The following PLXNA4 variants were observed in gnomAD, a reference collection of about 807,000 sequenced individuals.
PLXNA4 encodes plexin A4.
In PLXNA4, 44 loss-of-function variants were observed where a neutral mutation model predicts 191.8. That is an observed-to-expected ratio of 0.23 (90% CI 0.18 to 0.29). The LOEUF (loss-of-function observed/expected upper bound fraction) is 0.29, where lower values mean the gene tolerates loss of function less well. PLXNA4 is among the 10% of genes least tolerant of loss of function. PLXNA4 has a pLI of 1.00. For synonymous variants in PLXNA4, 1,082 were observed against 1,009.5 expected (o/e 1.07, Z -1.36); for missense variants, 1,800 against 2,488.8 (o/e 0.72, Z 5.89).
At chr7:132,336,810 T>C (rs1382593357) in intron 3 of PLXNA4, among the ~76,000 whole-genome samples, 1 of 152,260 alleles carries the variant, frequency 6.6e-6, no homozygotes, top group Non-Finnish European at 1.5e-5. Flanking sequence ...GTTCTGTGAA[T>C]GTTCCTCTGA....
intron 2 of PLXNA4, among the ~76,000 whole-genome samples, chr7:132,592,868 T>A (rs1017287): frequency 0.98 from 146,110 of 149,578 alleles, 71,399 homozygotes; most frequent in East Asian, 1. Flanking sequence ...AAAAAAAATT[T>A]AAAAAAAAAA....
intron 3 of PLXNA4, among the ~76,000 whole-genome samples, chr7:132,389,007 C>A (rs1355482714): frequency 6.6e-6 from 1 of 152,210 alleles, no homozygotes; most frequent in East Asian, 1.9e-4. Flanking sequence ...AAAAGGGCCC[C>A]ACTGATGACC....
At chr7:132,418,477 T>C (rs1195855869) in intron 3 of PLXNA4, among the ~76,000 whole-genome samples, 2 of 152,222 alleles carry the variant, frequency 1.3e-5, no homozygotes, top group African/African-American at 4.8e-5. Flanking sequence ...TAGAATCCCC[T>C]GCTCAGACAA....
chr7:132,426,198 A>C (rs1372818233), intron 3 of PLXNA4, among the ~76,000 whole-genome samples: 1 of 152,206 alleles, frequency 6.6e-6, no homozygotes, highest in Non-Finnish European at 1.5e-5. Context: ...GAGCAACTGC[A>C]CAGGGCCTCC....
intron 3 of PLXNA4, among the ~76,000 whole-genome samples, chr7:132,444,316 G>A (rs573403658): frequency 2.2e-4 from 34 of 152,324 alleles, no homozygotes; most frequent in Middle Eastern, 6.8e-3. Flanking sequence ...GCGCAATGGC[G>A]CCCTCTTGGC....
intron 3 of PLXNA4, among the ~76,000 whole-genome samples, chr7:132,320,270 C>T (rs1366725521): frequency 6.6e-6 from 1 of 152,196 alleles, no homozygotes. Flanking sequence ...AGGGCTGAAT[C>T]CTTCATTGCC....
chr7:132,507,697 C>A lies in PLXNA4; in HGVS notation c.997G>T (p.Asp333Tyr). Residue 333 changes from aspartate (D) to tyrosine (Y), a missense_variant, in exon 2 of 32, where the codon GAC becomes TAC. This residue lies in a region of PLXNA4 where 1,397 missense variants were observed against 1,880.4 expected (regional missense o/e 0.74). Transcript: ENST00000321063. ...GRTLGVHPDD[D>Y]LLFTVFSKGQ... ...TTGGAGAAGACGGTGAAGAGCAGGT[C>A]ATCATCTGGATGGACTCCAAGGGTC... The A allele has an allele frequency of 6.2e-7, 1 of 1,614,214 alleles. No individual in the cohort carries two copies. The highest frequency in any genetic ancestry group is 1.1e-5 in the South Asian group (1 of 91,080).
intron 3 of PLXNA4, among the ~76,000 whole-genome samples, chr7:132,370,380 C>G (rs1485388663): frequency 6.6e-6 from 1 of 152,202 alleles, no homozygotes; most frequent in African/African-American, 2.4e-5. Flanking sequence ...AAGCCAGAGG[C>G]ACCATGGTTT....
chr7:132,404,728 G>A (rs1288319759), intron 3 of PLXNA4, among the ~76,000 whole-genome samples: 2 of 152,214 alleles, frequency 1.3e-5, no homozygotes. Flanking sequence ...CCACCTCATA[G>A]GGGTATAGAG....
At chr7:132,512,803 C>T (rs375066661) in intron 1 of PLXNA4, among the ~76,000 whole-genome samples, 9 of 152,256 alleles carry the variant, frequency 5.9e-5, no homozygotes, top group African/African-American at 1.9e-4. Flanking sequence ...TTCTTGTAAG[C>T]GGTAACCCCA....
intron 2 of PLXNA4, among the ~76,000 whole-genome samples, chr7:132,496,787 G>A (rs1380984253): frequency 6.6e-6 from 1 of 152,110 alleles, no homozygotes; most frequent in African/African-American, 2.4e-5. Flanking sequence ...AGGAAGGCAG[G>A]GGACTGCTGG....
At chr7:132,142,956 C>T (rs1411081607) in intron 29 of PLXNA4, among the ~76,000 whole-genome samples, 1 of 152,212 alleles carries the variant, frequency 6.6e-6, no homozygotes, top group Middle Eastern at 3.2e-3. Flanking sequence ...AACAGGGAAG[C>T]CACAGCACCC....
At chr7:132,252,140 C>T (rs1411312307) in intron 4 of PLXNA4, among the ~76,000 whole-genome samples, 5 of 152,004 alleles carry the variant, frequency 3.3e-5, no homozygotes, top group Admixed American at 1.3e-4. Context: ...CAGGGCCAAG[C>T]CTGCTGCTGG....
At chr7:132,523,615 T>A (rs1799277848) in intron 1 of PLXNA4, among the ~76,000 whole-genome samples, 1 of 152,104 alleles carries the variant, frequency 6.6e-6, no homozygotes, top group South Asian at 2.1e-4. Context: ...GGGAATGACA[T>A]GGTCAGGGTC....
chr7:132,228,903 C>T (rs1231633548), intron 5 of PLXNA4, among the ~76,000 whole-genome samples: 2 of 152,198 alleles, frequency 1.3e-5, no homozygotes, highest in African/African-American at 2.4e-5. Context: ...CACTTCTCCA[C>T]CTGTCCAGTT....
At chr7:132,438,719 G>A (rs976803364) in intron 3 of PLXNA4, among the ~76,000 whole-genome samples, 1 of 152,190 alleles carries the variant, frequency 6.6e-6, no homozygotes, top group African/African-American at 2.4e-5. Flanking sequence ...CACCTCAATA[G>A]CTGTTTTTAA....
chr7:132,488,650 T>C (rs1797657485), intron 3 of PLXNA4, among the ~76,000 whole-genome samples: 1 of 152,194 alleles, frequency 6.6e-6, no homozygotes, highest in South Asian at 2.1e-4. Flanking sequence ...GGCGGATGAC[T>C]GCTCCCAACA....
At chr7:132,167,536 T>C (rs1180536681) in intron 22 of PLXNA4, among the ~76,000 whole-genome samples, 1 of 152,076 alleles carries the variant, frequency 6.6e-6, no homozygotes, top group Admixed American at 6.5e-5. Context: ...ATTTATTTAT[T>C]TTTTAATTTT....
chr7:132,570,745 G>A (rs956143898), intron 1 of PLXNA4, among the ~76,000 whole-genome samples: 2 of 152,228 alleles, frequency 1.3e-5, no homozygotes, highest in Non-Finnish European at 2.9e-5. Flanking sequence ...TATCCTCTTA[G>A]CTAGTGATCT....
Sources: gnomAD v4.1 joint callset for allele counts (sites outside exome capture counted in the v4.1 genomes callset) on GRCh38, gnomAD v4.1.1 for gene constraint, gnomAD v4.1.1 regional missense constraint, MANE v1.5 for transcripts, NCBI Gene and HGNC (gene_info 2026-07-23, HGNC 2026-07-21) for gene names.